The following PSD3 variants were observed in gnomAD, a reference collection of about 807,000 sequenced individuals.
The protein encoded by PSD3 is PH and SEC7 domain-containing protein 3.
Under a neutral mutation model 105.5 loss-of-function variants are expected in PSD3, and 49 were observed. The ratio of observed to expected loss-of-function variants is 0.46; its 90% CI spans 0.37 to 0.59. The LOEUF (loss-of-function observed/expected upper bound fraction) is 0.59. PSD3 is among the 20% of genes least tolerant of loss of function. PSD3 has a pLI of 0.00. For synonymous variants in PSD3, 557 were observed against 457.8 expected (o/e 1.22, Z -2.77); for missense variants, 1,561 against 1,263.8 (o/e 1.24, Z -3.57).
intron 12 of PSD3, 63 bp from the exon 13 acceptor site, chr8:18,575,348 A>G: frequency 7.0e-7 from 1 of 1,424,434 alleles, no homozygotes; most frequent in Non-Finnish European, 9.3e-7. Flanking sequence ...TTAATTTTTT[A>G]AAAGCAAAAA....
At chr8:19,016,079 G>T (rs1467453786), upstream of PSD3, among the ~76,000 whole-genome samples, 1 of 152,154 alleles carries the variant, frequency 6.6e-6, no homozygotes, top group Non-Finnish European at 1.5e-5. Context: ...TTTCATTTTT[G>T]CCAGCATGTA....
intron 4 of PSD3, among the ~76,000 whole-genome samples, chr8:18,842,930 G>C (rs1814767049): frequency 6.6e-6 from 1 of 152,136 alleles, no homozygotes; most frequent in African/African-American, 2.4e-5. Flanking sequence ...ACCAGGCATG[G>C]ACTTTCCTTG....
At chr8:18,676,080 T>C (rs1800048576) in intron 9 of PSD3, among the ~76,000 whole-genome samples, 1 of 152,096 alleles carries the variant, frequency 6.6e-6, no homozygotes, top group African/African-American at 2.4e-5. Flanking sequence ...AAAATGCAAA[T>C]ATATATATAT....
intron 12 of PSD3, among the ~76,000 whole-genome samples, chr8:18,582,815 T>C (rs1802902046): frequency 1.4e-5 from 1 of 72,500 alleles, no homozygotes; most frequent in South Asian, 1.0e-3. Flanking sequence ...GCCACACTGA[T>C]CTTTTTTTTT....
intron 1 of PSD3, among the ~76,000 whole-genome samples, chr8:19,073,333 T>C (rs1204461203): frequency 1.3e-5 from 2 of 151,974 alleles, no homozygotes; most frequent in African/African-American, 4.8e-5. Context: ...GGCGGATCAC[T>C]TGGGGTTGGG....
chr8:18,758,041 C>A (rs1287958942), intron 9 of PSD3, among the ~76,000 whole-genome samples: 1 of 151,904 alleles, frequency 6.6e-6, no homozygotes, highest in Non-Finnish European at 1.5e-5. Context: ...GACAGAATTA[C>A]AAATTCACAG....
At chr8:18,752,550 A>AT (rs1563225310) in intron 9 of PSD3, among the ~76,000 whole-genome samples, 1 of 11,350 alleles carries the variant, frequency 8.8e-5, no homozygotes, top group African/African-American at 2.5e-4. Context: ...TATATATTAT[A>AT]TATAATTATA....
At chr8:18,662,073 C>T (rs1355328583) in intron 9 of PSD3, among the ~76,000 whole-genome samples, 8 of 151,700 alleles carry the variant, frequency 5.3e-5, no homozygotes, top group African/African-American at 1.7e-4. Context: ...GTATCTCGGG[C>T]AATTAGTCTT....
chr8:19,038,459 CTATT>C (rs1828016954), intron 1 of PSD3, among the ~76,000 whole-genome samples: 2 of 151,990 alleles, frequency 1.3e-5, no homozygotes, highest in South Asian at 4.2e-4. Flanking sequence ...ATTTATTTAT[CTATT>C]TGTCTATCTA....
At chr8:18,782,886 A>G (rs1808776432) in intron 8 of PSD3, among the ~76,000 whole-genome samples, 3 of 152,206 alleles carry the variant, frequency 2.0e-5, no homozygotes, top group African/African-American at 7.2e-5. Flanking sequence ...TGGCAGTCTC[A>G]CTTGGTCATG....
rs1247941621 is a variant in PSD3 at position 18,830,252 on chromosome 8, T to C, written c.1635-25354A>G. Among the ~76,000 whole-genome samples, 9 of 152,304 alleles carry C rather than the reference T, an allele frequency of 5.9e-5. No homozygotes were observed. The East Asian group carries it at 1.5e-3, about 26-fold the overall frequency. On this transcript the variant is annotated intron_variant, in intron 4 of 15. Coordinates refer to ENST00000327040, the MANE Select transcript of PSD3 (RefSeq NM_015310.4). The stretch of plus-strand genomic sequence containing the variant: ...CCACCGCACCCAGCCAGTAATTTTC[T>C]ACTGAATGAAATAGGCTCCAGATCC...
chr8:18,910,133 C>G (rs1392995672), intron 2 of PSD3, among the ~76,000 whole-genome samples: 3 of 152,106 alleles, frequency 2.0e-5, no homozygotes, highest in Non-Finnish European at 2.9e-5. Flanking sequence ...CATCCCATTA[C>G]TGGGTATATA....
intron 11 of PSD3, among the ~76,000 whole-genome samples, chr8:18,603,730 G>C (rs772815509): frequency 2.0e-5 from 3 of 152,160 alleles, no homozygotes; most frequent in African/African-American, 4.8e-5. Flanking sequence ...AGCACCATCC[G>C]CTTCTCGTGA....
rs1197507856 is a variant in PSD3 at position 19,078,037 on chromosome 8, T to A, written c.324+6169A>T. Among the ~76,000 whole-genome samples the A allele has an allele frequency of 2.0e-5, 3 of 151,974 alleles. No individual in the cohort carries two copies. The South Asian group carries it at 6.3e-4, about 32-fold the overall frequency. ...CTATAAATCTACAAGGAAAAAAAAA[T>A]TTGTTCTTTTTGAGACACAGTCTTG... is the stretch of plus-strand genomic sequence containing the variant. On this transcript the variant is annotated intron_variant, in intron 1 of 1. Coordinates refer to the PSD3 transcript ENST00000521475.
intron 1 of PSD3, among the ~76,000 whole-genome samples, chr8:18,949,406 A>C (rs989364707): frequency 1.3e-5 from 2 of 150,690 alleles, no homozygotes; most frequent in Admixed American, 1.3e-4. Flanking sequence ...ATAATCTCCT[A>C]GGCAAATATA....
chr8:18,727,645 C>A (rs1239506958), intron 9 of PSD3, among the ~76,000 whole-genome samples: 1 of 151,970 alleles, frequency 6.6e-6, no homozygotes, highest in Non-Finnish European at 1.5e-5. Flanking sequence ...TCCCCTACTA[C>A]ACTATTCCAG....
In PSD3 at chr8:18,898,526, C is replaced by A. The variant is rs568186614; in HGVS notation, c.131-25793G>T. Among the ~76,000 whole-genome samples, 12 of 152,226 alleles carry A rather than the reference C, an allele frequency of 7.9e-5. No individual in the cohort carries two copies. In the South Asian group the frequency reaches 2.3e-3, roughly 29 times the overall value. ...AGATGGGATTTAGGGGCACTGAGCA[C>A]CACCACCATGCAGTTGAAAATCCAC... On this transcript the variant is annotated intron_variant, in intron 2 of 15. Transcript: ENST00000327040.
At chr8:18,641,850 A>G (rs774267643) in intron 10 of PSD3, among the ~76,000 whole-genome samples, 15 of 151,902 alleles carry the variant, frequency 9.9e-5, no homozygotes, top group Non-Finnish European at 1.9e-4. Flanking sequence ...ATTATACCAC[A>G]TCACATTATA....
intron 9 of PSD3, among the ~76,000 whole-genome samples, chr8:18,671,653 G>A (rs530987449): frequency 7.5e-4 from 112 of 149,946 alleles, no homozygotes; most frequent in South Asian, 4.6e-3. Flanking sequence ...TTTTTTTTGA[G>A]ATGGAGTCTC....
Sources: gnomAD v4.1 joint callset for allele counts (sites outside exome capture counted in the v4.1 genomes callset) on GRCh38, gnomAD v4.1.1 for gene constraint, MANE v1.5 for transcripts, NCBI Gene and HGNC (gene_info 2026-07-23, HGNC 2026-07-21) for gene names.